The following CNTNAP2 variants were observed in gnomAD, a reference collection of about 807,000 sequenced individuals.
CNTNAP2 encodes the protein contactin associated protein 2.
A neutral mutation model predicts 155.2 loss-of-function variants in CNTNAP2; 98 were observed. The observed-to-expected ratio is 0.63, with a 90% CI of 0.54 to 0.75. CNTNAP2 has a LOEUF of 0.75. Ranked by LOEUF, CNTNAP2 falls within the 30% of genes least tolerant of loss-of-function variation. CNTNAP2 has a pLI of 0.00. For synonymous variants in CNTNAP2, 651 were observed against 631.2 expected, an observed-to-expected ratio of 1.03 and a Z score of -0.47; for missense variants, 1,727 against 1,688.1, an observed-to-expected ratio of 1.02 and a Z score of -0.40.
At chr7:148,229,102 T>C (rs1016198633) in intron 19 of CNTNAP2, among the ~76,000 whole-genome samples, 2 of 152,320 alleles carry the variant, frequency 1.3e-5, no homozygotes, top group East Asian at 3.9e-4. Context: ...TGAAGTTCAC[T>C]GTGGGCAGAT....
intron 16 of CNTNAP2, among the ~76,000 whole-genome samples, chr7:148,143,100 T>G (rs540722662): frequency 1.9e-4 from 29 of 152,344 alleles, no homozygotes; most frequent in African/African-American, 6.7e-4. Context: ...TTTATTTCTC[T>G]TAGAATCTCT....
chr7:147,154,301 G>T (rs1274277985), intron 8 of CNTNAP2, among the ~76,000 whole-genome samples: 1 of 152,108 alleles, frequency 6.6e-6, no homozygotes, highest in Admixed American at 6.6e-5. Flanking sequence ...GGGCATAAAA[G>T]AAATGAGTAG....
chr7:147,420,682 A>G (rs1385997766), intron 10 of CNTNAP2, among the ~76,000 whole-genome samples: 1 of 152,238 alleles, frequency 6.6e-6, no homozygotes, highest in Non-Finnish European at 1.5e-5. Flanking sequence ...TTTTAAAGAA[A>G]TTATGAAATA....
intron 10 of CNTNAP2, among the ~76,000 whole-genome samples, chr7:147,451,697 A>C (rs1217314351): frequency 6.6e-6 from 1 of 151,540 alleles, no homozygotes; most frequent in Non-Finnish European, 1.5e-5. Flanking sequence ...CCAGTCCCTA[A>C]CAGTCTAGGA....
intron 13 of CNTNAP2, among the ~76,000 whole-genome samples, chr7:147,901,652 A>T (rs1197061955): frequency 9.2e-5 from 14 of 152,164 alleles, no homozygotes; most frequent in Admixed American, 9.2e-4. Context: ...GATCTGTGTA[A>T]TGCATACTTG....
intron 11 of CNTNAP2, among the ~76,000 whole-genome samples, chr7:147,507,550 C>CTTT (rs3052511): frequency 1.3e-3 from 105 of 81,988 alleles, no homozygotes; most frequent in South Asian, 1.5e-3. Flanking sequence ...CTCTTTCTTT[C>CTTT]TTTTTTTTTT....
chr7:146,861,436 C>T (rs1240666661), intron 3 of CNTNAP2, among the ~76,000 whole-genome samples: 1 of 152,104 alleles, frequency 6.6e-6, no homozygotes, highest in African/African-American at 2.4e-5. Context: ...CAATTTTGTA[C>T]AGTTGTCTTA....
chr7:147,206,159 C>T (rs1030601156), intron 8 of CNTNAP2, among the ~76,000 whole-genome samples: 2 of 151,856 alleles, frequency 1.3e-5, no homozygotes, highest in Non-Finnish European at 2.9e-5. Context: ...TTCTTCTCAA[C>T]TCATGCTTAC....
intron 12 of CNTNAP2, among the ~76,000 whole-genome samples, chr7:147,633,364 C>T (rs1441488839): frequency 2.0e-5 from 3 of 152,174 alleles, no homozygotes; most frequent in African/African-American, 7.2e-5. Flanking sequence ...CTACAGGGGT[C>T]AAGCTCTCAT....
At chr7:146,794,424 C>T (rs531768363) in intron 2 of CNTNAP2, among the ~76,000 whole-genome samples, 2 of 152,188 alleles carry the variant, frequency 1.3e-5, no homozygotes, top group South Asian at 2.1e-4. Context: ...CATTCTTTAA[C>T]AAGGATAATA....
chr7:147,488,911 A>G (rs1798556850), intron 11 of CNTNAP2, among the ~76,000 whole-genome samples: 1 of 152,242 alleles, frequency 6.6e-6, no homozygotes, highest in Admixed American at 6.5e-5. Context: ...GAAATGATGT[A>G]CGGAAGATGC....
intron 1 of CNTNAP2, among the ~76,000 whole-genome samples, chr7:146,684,918 CAATT>C (rs1225924725): frequency 6.6e-6 from 1 of 151,896 alleles, no homozygotes; most frequent in Non-Finnish European, 1.5e-5. Context: ...CAGATGGTGT[CAATT>C]AAATAATGTA....
At chr7:146,685,302 A>G (rs1248653299) in intron 1 of CNTNAP2, among the ~76,000 whole-genome samples, 1 of 152,144 alleles carries the variant, frequency 6.6e-6, no homozygotes, top group African/African-American at 2.4e-5. Flanking sequence ...TGCAACTTGA[A>G]ACATTCCTAT....
At chr7:146,586,324 AT>A (rs1445822529) in intron 1 of CNTNAP2, among the ~76,000 whole-genome samples, 1 of 152,130 alleles carries the variant, frequency 6.6e-6, no homozygotes, top group Non-Finnish European at 1.5e-5. Context: ...TAACTTTAAT[AT>A]TTAAGGAAAA....
chr7:147,121,321 C>T, intron 6 of CNTNAP2, 158 bp downstream of exon 6: 1 of 672,644 alleles, frequency 1.5e-6, no homozygotes, highest in Non-Finnish European at 2.4e-6. Context: ...TAATTCGTTT[C>T]ATTTTATTTC....
chr7:146,725,644 C>A (rs1801418238), intron 1 of CNTNAP2, among the ~76,000 whole-genome samples: 1 of 152,048 alleles, frequency 6.6e-6, no homozygotes, highest in Non-Finnish European at 1.5e-5. Flanking sequence ...TTTGTAGAAC[C>A]AAAGATTGGC....
At chr7:147,061,602 T>C (rs114191226) in intron 4 of CNTNAP2, among the ~76,000 whole-genome samples, 1,782 of 140,874 alleles carry the variant, frequency 0.013, no homozygotes, top group African/African-American at 0.046. Flanking sequence ...AGACTAGTTG[T>C]GATACTTACA....
chr7:146,650,720 C>T (rs775010891), intron 1 of CNTNAP2, among the ~76,000 whole-genome samples: 8 of 151,824 alleles, frequency 5.3e-5, no homozygotes, highest in Non-Finnish European at 1.0e-4. Context: ...ATTATTTCAC[C>T]CCCTCGATAT....
At chr7:147,365,690 G>C (rs1422549949) in intron 9 of CNTNAP2, among the ~76,000 whole-genome samples, 1 of 151,902 alleles carries the variant, frequency 6.6e-6, no homozygotes, top group East Asian at 1.9e-4. Context: ...TTACATTATA[G>C]TGTAAAATAT....
Sources: gnomAD v4.1 joint callset for allele counts (sites outside exome capture counted in the v4.1 genomes callset) on GRCh38, gnomAD v4.1.1 for gene constraint, MANE v1.5 for transcripts, NCBI Gene and HGNC (gene_info 2026-07-23, HGNC 2026-07-21) for gene names.